The following FCHSD1 variants were observed in gnomAD, a reference collection of about 807,000 sequenced individuals.
The protein encoded by FCHSD1 is FCH and double SH3 domains 1.
Under a neutral mutation model 101.3 loss-of-function variants are expected in FCHSD1, and 109 were observed. The observed-to-expected ratio is 1.08, with a 90% CI of 0.92 to 1.26. The LOEUF is 1.26. FCHSD1 is among the 50% of genes most tolerant of loss of function. The pLI, the probability that FCHSD1 is intolerant of heterozygous loss-of-function variation, is 0.00. For synonymous variants in FCHSD1, 291 were observed against 356.8 expected (o/e 0.82, Z 2.08); for missense variants, 820 against 895.8 (o/e 0.92, Z 1.08).
Position 141,640,391 on chromosome 5 carries a change from G to A in FCHSD1, c.*1107C>T. On this transcript the variant is annotated 3_prime_UTR_variant, in exon 20 of 20. Coordinates refer to ENST00000435817, the MANE Select transcript of FCHSD1 (RefSeq NM_033449.3). The stretch of plus-strand genomic sequence containing the variant: ...GACCTACTCCTGGTCTCTCATTGTT[G>A]ACCCCTCCCCTTTCTCTCAGGTGTC... 6.2e-7 allele frequency: 1 copy of A among 1,614,148 alleles called. No individual in the cohort carries two copies. Among genetic ancestry groups the A allele is most frequent in the Non-Finnish European group, 8.5e-7 (1 of 1,180,012 alleles).
chr5:141,641,647 G>T (rs976688635), intron 19 of FCHSD1, 55 bp downstream of exon 19: 47 of 1,612,078 alleles, frequency 2.9e-5, no homozygotes, highest in Non-Finnish European at 4.0e-5. Flanking sequence ...GACAAAACAG[G>T]ACTGGTTGGA....
At chr5:141,646,456 TAACTA>T (rs2099907666) in intron 11 of FCHSD1, 142 bp downstream of exon 11, 1 of 1,300,198 alleles carries the variant, frequency 7.7e-7, no homozygotes, top group Non-Finnish European at 1.0e-6. Flanking sequence ...ACTGTGCTCT[TAACTA>T]TTGTGCCACA....
chr5:141,644,509 C>T, intron 16 of FCHSD1, 64 bp downstream of exon 16: 1 of 1,607,822 alleles, frequency 6.2e-7, no homozygotes, highest in Non-Finnish European at 8.5e-7. Context: ...CACCCCAGGG[C>T]TACAACCCCT....
At chr5:141,643,188 A>C (rs2154598337) in intron 17 of FCHSD1, 100 bp from the exon 18 acceptor site, 3 of 933,098 alleles carry the variant, frequency 3.2e-6, no homozygotes, top group Non-Finnish European at 4.5e-6. Flanking sequence ...TCACTTCTCA[A>C]TACAGGAAGT....
chr5:141,642,926 C>A, intron 18 of FCHSD1, 75 bp downstream of exon 18: 1 of 1,428,218 alleles, frequency 7.0e-7, no homozygotes, highest in Non-Finnish European at 9.6e-7. Flanking sequence ...AGGACCAGAG[C>A]GTGACCTGGG....
Position 141,645,808 on chromosome 5 carries a change from C to G in FCHSD1, c.1274G>C (p.Ser425Thr). The G allele has an allele frequency of 1.2e-6, 2 of 1,610,194 alleles. No individual in the cohort carries two copies. The highest frequency in any genetic ancestry group is 1.7e-6 in the Non-Finnish European group (2 of 1,178,542). Residue 425 changes from serine to threonine, a missense_variant, in exon 13 of 20, where the codon AGT (serine) becomes ACT (threonine). Physicochemically the swap from Ser to Thr is moderately conservative, Grantham distance 58. Transcript: ENST00000435817. ...GTCCCTCTGGGACAGCCGAGCCTCA[C>G]TGAGCCGCCGCTCCTGCTCCACCTC... ...QDEVEQERRL[S>T]EARLSQRDLS...
chr5:141,648,480 C>G (rs173683), intron 7 of FCHSD1, among the ~76,000 whole-genome samples: 88,661 of 152,034 alleles, frequency 0.58, 26,845 homozygotes, highest in African/African-American at 0.75. Flanking sequence ...CTTCTCTCTG[C>G]AATGTTCTTC....
intron 11 of FCHSD1, 144 bp downstream of exon 11, chr5:141,646,459 C>G: frequency 7.6e-7 from 1 of 1,311,674 alleles, no homozygotes; most frequent in Non-Finnish European, 1.0e-6. Context: ...GTGCTCTTAA[C>G]TATTGTGCCA....
intron 18 of FCHSD1, chr5:141,642,300 G>A (rs1181199117): frequency 1.0e-5 from 6 of 598,722 alleles, no homozygotes; most frequent in African/African-American, 5.7e-5. Context: ...GCTAAACAAC[G>A]GGTACACATG....
rs1352945521 is a variant in FCHSD1, at chr5:141,639,635, G to C, written c.*1863C>G. The C allele has an allele frequency of 6.2e-7, 1 of 1,606,242 alleles. No homozygotes were observed. Among genetic ancestry groups the C allele is most frequent in the Admixed American group, 1.7e-5 (1 of 58,926 alleles). The stretch of plus-strand genomic sequence containing the variant: ...GCCCCCGGACAGGGGAGACCACTGT[G>C]TTCTCTGTGGGCAGGTGGGGCAGGT... On this transcript the variant is annotated 3_prime_UTR_variant, in exon 20 of 20. Coordinates refer to ENST00000435817, the MANE Select transcript of FCHSD1 (RefSeq NM_033449.3). The surrounding 1 kb of genome is among the most constrained non-coding windows in gnomAD (Gnocchi z 4.4).
In FCHSD1 at chr5:141,649,315, G is replaced by T. The variant is rs757180578; in HGVS notation, c.376-7C>A. 3 of 1,613,962 alleles carry T rather than the reference G, an allele frequency of 1.9e-6. No homozygotes were observed. Among genetic ancestry groups the T allele is most frequent in the Non-Finnish European group, 2.5e-6 (3 of 1,179,882 alleles). Reference sequence around the variant, plus strand: ...TCTGGAGGTTCTCTGTTCCCTATTGGGATGCATACACAAAGTCCTTACCTA... The same window carrying T: ...TCTGGAGGTTCTCTGTTCCCTATTGTGATGCATACACAAAGTCCTTACCTA... On this transcript the variant is annotated splice_region_variant and splice_polypyrimidine_tract_variant and intron_variant, in intron 5 of 19. Transcript: ENST00000435817. This position sits in a 1 kb window ranked among gnomAD's most constrained non-coding sequence, Gnocchi z 4.1.
chr5:141,651,201 G>T, intron 1 of FCHSD1, 84 bp from the exon 2 acceptor site: 1 of 1,448,234 alleles, frequency 6.9e-7, no homozygotes, highest in South Asian at 1.2e-5. Context: ...GGGCGGGGCC[G>T]GGGGGGTGCT....
intron 18 of FCHSD1, chr5:141,642,547 AG>A (rs767126877): frequency 1.4e-3 from 577 of 401,914 alleles, no homozygotes; most frequent in Middle Eastern, 2.9e-3. Flanking sequence ...CATTTAAAAA[AG>A]AAAAAAAGTG....
Position 141,651,127 on chromosome 5 carries a change from C to A in FCHSD1, c.22-10G>T. On this transcript the variant is annotated splice_polypyrimidine_tract_variant and intron_variant, in intron 1 of 19. Coordinates refer to ENST00000435817, the MANE Select transcript of FCHSD1 (RefSeq NM_033449.3). The stretch of plus-strand genomic sequence containing the variant: ...CCTGGGCCGGCTTCACCTGTGGGGG[C>A]AAAGAGAGGATGAAGACCCCAGCGC... 1 of 1,565,882 alleles carries A rather than the reference C, an allele frequency of 6.4e-7. No homozygotes were observed. The highest frequency in any genetic ancestry group is 8.7e-7 in the Non-Finnish European group (1 of 1,154,412).
At position 141,645,824 on chromosome 5, in the gene FCHSD1, G is replaced by A. The variant is rs1364586764; in HGVS notation, c.1258C>T (p.Gln420Ter). The A allele has an allele frequency of 1.9e-6, 3 of 1,609,446 alleles. No homozygotes were observed. The highest frequency in any genetic ancestry group is 2.7e-5 in the African/African-American group (2 of 74,904). Residue 420 changes from glutamine to a stop codon, truncating the protein, a stop_gained, in exon 13 of 20, where the codon CAG (glutamine) becomes TAG (stop). Coordinates refer to ENST00000435817, the MANE Select transcript of FCHSD1 (RefSeq NM_033449.3). LOFTEE classifies it high-confidence loss of function. ...CGAGCCTCACTGAGCCGCCGCTCCT[G>A]CTCCACCTCATCCTGGGCCTGGGTC... The part of the protein sequence containing the change: ...AMTQAQDEVE[Q>*]ERRLSEARLS...
chr5:141,645,270 C>T (rs1467415975), intron 13 of FCHSD1, 122 bp from the exon 14 acceptor site: 28 of 1,379,086 alleles, frequency 2.0e-5, no homozygotes, highest in Non-Finnish European at 2.7e-5. Context: ...CACCCATCCA[C>T]TCACCATGTA....
intron 13 of FCHSD1, among the ~76,000 whole-genome samples, 158 bp downstream of exon 13, chr5:141,645,613 C>G (rs758660917): frequency 1.3e-5 from 2 of 152,196 alleles, no homozygotes; most frequent in Non-Finnish European, 2.9e-5. Context: ...GACTCTATGC[C>G]AGAAATTATG....
chr5:141,650,521 T>C (rs765738680), intron 2 of FCHSD1, 117 bp from the exon 3 acceptor site: 13 of 1,180,942 alleles, frequency 1.1e-5, no homozygotes, highest in Non-Finnish European at 1.6e-5. Flanking sequence ...GCCAGGTTCC[T>C]AGAGTGTAAC....
chr5:141,650,441 A>C, intron 2 of FCHSD1, 37 bp from the exon 3 acceptor site: 1 of 1,613,332 alleles, frequency 6.2e-7, no homozygotes. Context: ...GGTGGGGGAT[A>C]AGGTTATGTT....
Sources: gnomAD v4.1 joint callset for allele counts (sites outside exome capture counted in the v4.1 genomes callset) on GRCh38, gnomAD v4.1.1 for gene constraint, Gnocchi (gnomAD v3.1) non-coding constraint, MANE v1.5 for transcripts, NCBI Gene and HGNC (gene_info 2026-07-23, HGNC 2026-07-21) for gene names.